The following MYO1H variants were observed in gnomAD, a reference collection of about 807,000 sequenced individuals.
MYO1H encodes the protein myosin IH.
Under a neutral mutation model 149.3 loss-of-function variants are expected in MYO1H, and 118 were observed. The ratio of observed to expected loss-of-function variants is 0.79; its 90% CI spans 0.68 to 0.92. MYO1H has a LOEUF of 0.92. Among genes scored for constraint, MYO1H ranks in the 40% least tolerant of loss-of-function variants. MYO1H has a pLI of 0.00. For synonymous variants in MYO1H, 447 were observed against 465.2 expected (o/e 0.96, Z 0.50); for missense variants, 1,212 against 1,280.7 (o/e 0.95, Z 0.82).
chr12:109,447,568 C>T (rs536405542), exon 32 of MYO1H: 15 of 262,340 alleles, frequency 5.7e-5, no homozygotes, highest in African/African-American at 1.3e-4. Flanking sequence ...AATAACATTT[C>T]GTTATATGTT....
intron 28 of MYO1H, 85 bp downstream of exon 28, chr12:109,443,734 C>T: frequency 1.3e-6 from 2 of 1,518,994 alleles, no homozygotes; most frequent in South Asian, 2.4e-5. Flanking sequence ...AAATGGGAAA[C>T]ACAAGTGTAG....
At chr12:109,368,635 C>A in intron 1 of MYO1H, among the ~76,000 whole-genome samples, 1 of 89,426 alleles carries the variant, frequency 1.1e-5, no homozygotes, top group South Asian at 3.6e-4. Flanking sequence ...AGCAAGACTC[C>A]ATCTTAAAAA....
At chr12:109,414,554 A>G (rs1870821618) in intron 14 of MYO1H, among the ~76,000 whole-genome samples, 1 of 151,884 alleles carries the variant, frequency 6.6e-6, no homozygotes, top group African/African-American at 2.4e-5. Context: ...TGAGTATTTT[A>G]GTCTCTCAAC....
intron 1 of MYO1H, among the ~76,000 whole-genome samples, chr12:109,380,798 T>C (rs922772289): frequency 1.3e-5 from 2 of 151,968 alleles, no homozygotes; most frequent in Non-Finnish European, 2.9e-5. Flanking sequence ...ATACAAAAAT[T>C]AGCCAGGCAT....
chr12:109,424,788 T>C, exon 17 of MYO1H: 1 of 1,613,954 alleles, frequency 6.2e-7, no homozygotes. Flanking sequence ...AGGGAATGCT[T>C]CCTGCTGGCC....
Position 109,429,886 on chromosome 12 carries a change from T to C in MYO1H, c.1949+2300T>C, listed in dbSNP as rs1871538690. ...AGAAACTTTTCACAGTTCTGGAGGATGGGAAGTCCAAGATCAAGGCACTGG... is the reference window on the plus strand; with the variant it reads ...AGAAACTTTTCACAGTTCTGGAGGACGGGAAGTCCAAGATCAAGGCACTGG... On this transcript the variant is annotated intron_variant, in intron 19 of 31. Coordinates refer to ENST00000310903, the Ensembl canonical transcript of MYO1H. 4.6e-5 allele frequency among the ~76,000 whole-genome samples: 7 copies of C among 152,288 alleles called. 1 individual carries two copies. The South Asian group carries it at 1.5e-3, about 32-fold the overall frequency.
intron 7 of MYO1H, among the ~76,000 whole-genome samples, chr12:109,405,456 A>G (rs548780948): frequency 1.2e-4 from 19 of 152,142 alleles, no homozygotes; most frequent in Admixed American, 3.3e-4. Context: ...GACTACAGGC[A>G]CATGCCACCG....
the MYO1H span, among the ~76,000 whole-genome samples, chr12:109,320,565 A>C: frequency 6.9e-6 from 1 of 145,080 alleles, no homozygotes; most frequent in Non-Finnish European, 1.5e-5. Context: ...CAGAGGTTGC[A>C]GTGAGCTGAG....
rs576233597 is a variant in MYO1H at position 109,353,578 on chromosome 12, G to T, written c.12+5606G>T. 1.2e-3 allele frequency among the ~76,000 whole-genome samples: 178 copies of T among 152,134 alleles called. 1 individual carries two copies. Among genetic ancestry groups the T allele is most frequent in the Admixed American group, 9.2e-4 (14 of 15,274 alleles). On this transcript the variant is annotated intron_variant, in intron 1 of 31. Coordinates refer to ENST00000310903, the Ensembl canonical transcript of MYO1H. The stretch of plus-strand genomic sequence containing the variant: ...AGATGAATCACGTTATTTTTAAAAT[G>T]ATCTAAAACAATATATAAAATGTTA...
intron 22 of MYO1H, 108 bp from the exon 23 acceptor site, chr12:109,438,428 G>A (rs1433078421): frequency 3.8e-6 from 3 of 798,828 alleles, no homozygotes; most frequent in Admixed American, 2.1e-5. Context: ...ACAGAGTGCT[G>A]CGGTGGGCGT....
At chr12:109,424,438 G>A (rs546185296) in intron 16 of MYO1H, among the ~76,000 whole-genome samples, 19 of 152,318 alleles carry the variant, frequency 1.2e-4, no homozygotes, top group African/African-American at 4.3e-4. Context: ...ACAAGCCTGA[G>A]CCCCACCATT....
rs181922795 is a variant in MYO1H, at chr12:109,368,421, C to T, written c.13-20262C>T. Among the ~76,000 whole-genome samples, 295 of 152,062 alleles carry T rather than the reference C, an allele frequency of 1.9e-3. 1 individual carries two copies. Among genetic ancestry groups the T allele is most frequent in the African/African-American group, 6.6e-3 (274 of 41,482 alleles). ...CTGTAATCCCAGCACTTTGGGAGGC[C>T]GAGGCAGGCGGATCACCTGAGGTCA... On this transcript the variant is annotated intron_variant, in intron 1 of 31. Coordinates refer to ENST00000310903, the Ensembl canonical transcript of MYO1H.
At chr12:109,409,243 C>CT (rs1870546238) in intron 10 of MYO1H, among the ~76,000 whole-genome samples, 35 of 59,042 alleles carry the variant, frequency 5.9e-4, no homozygotes, top group African/African-American at 1.9e-3. Flanking sequence ...TCTTCTTCTT[C>CT]TTCTTTTTTT....
At chr12:109,392,670 C>A (rs1592789414) in intron 2 of MYO1H, among the ~76,000 whole-genome samples, 1 of 151,738 alleles carries the variant, frequency 6.6e-6, no homozygotes, top group Admixed American at 6.6e-5. Context: ...GAGCCGAGAT[C>A]GAGCCACTGC....
chr12:109,440,792 T>C (rs1872085877), exon 25 of MYO1H: 1 of 1,566,096 alleles, frequency 6.4e-7, no homozygotes, highest in Non-Finnish European at 8.7e-7. Context: ...GGTGCAGAAG[T>C]ACTGCCGCGG....
intron 1 of MYO1H, among the ~76,000 whole-genome samples, chr12:109,358,710 G>C (rs895809149): frequency 1.3e-5 from 2 of 151,956 alleles, no homozygotes; most frequent in Non-Finnish European, 2.9e-5. Context: ...GCAGTATGCA[G>C]AGTAAAAGCG....
At chr12:109,345,934 G>A (rs533056990), upstream of MYO1H, among the ~76,000 whole-genome samples, 1 of 152,146 alleles carries the variant, frequency 6.6e-6, no homozygotes, top group African/African-American at 2.4e-5. Context: ...TGGTTTCAAG[G>A]TGCTAGGGTG....
chr12:109,396,322 G>A (rs1316263266), intron 3 of MYO1H, 62 bp from the exon 4 acceptor site: 4 of 1,371,940 alleles, frequency 2.9e-6, no homozygotes, highest in African/African-American at 2.9e-5. Context: ...TTCTTTGGTG[G>A]GTGTCAGAGT....
At chr12:109,330,819 C>T in the MYO1H span, among the ~76,000 whole-genome samples, 1 of 152,070 alleles carries the variant, frequency 6.6e-6, no homozygotes, top group East Asian at 1.9e-4. Flanking sequence ...TTTTCTGCCC[C>T]TTTTTTCCCC....
Sources: allele counts gnomAD v4.1 joint callset (sites outside exome capture counted in the v4.1 genomes callset), GRCh38; gene constraint gnomAD v4.1.1; transcripts MANE v1.5; gene names NCBI Gene and HGNC (gene_info 2026-07-23, HGNC 2026-07-21).